XRN2: variants seen among roughly 807,000 people sequenced by gnomAD.
XRN2 encodes DHM1-like protein.
XRN2 carries 44 observed loss-of-function variants against 138.5 expected under a neutral mutation model. The ratio of observed to expected loss-of-function variants is 0.32; its 90% CI spans 0.25 to 0.41. XRN2 has a LOEUF of 0.41. XRN2 is among the 10% of genes least tolerant of loss of function. The pLI is 1.00. For missense variants in XRN2, 937 were observed against 1,169.3 expected (o/e 0.80, Z 2.90); for synonymous variants, 354 against 369.4 (o/e 0.96, Z 0.48).
chr20:21,359,055 C>A (rs2038607381), intron 24 of XRN2, among the ~76,000 whole-genome samples: 1 of 152,182 alleles, frequency 6.6e-6, no homozygotes, highest in Admixed American at 6.5e-5. Flanking sequence ...GCCTAACCCT[C>A]TAGAAATAGT....
intron 1 of XRN2, among the ~76,000 whole-genome samples, chr20:21,314,268 ATTATTTGC>A (rs1292630233): frequency 6.6e-6 from 1 of 152,192 alleles, no homozygotes; most frequent in African/African-American, 2.4e-5. Context: ...GCAGTACTTT[ATTATTTGC>A]TTATGGCCAA....
intron 29 of XRN2, among the ~76,000 whole-genome samples, chr20:21,388,718 G>A (rs116642624): frequency 2.3e-4 from 35 of 152,266 alleles, no homozygotes; most frequent in African/African-American, 8.4e-4. Flanking sequence ...AATGTTATTT[G>A]CAAACATACT....
chr20:21,304,549 AC>A (rs972461730), intron 1 of XRN2, among the ~76,000 whole-genome samples: 102 of 151,694 alleles, frequency 6.7e-4, no homozygotes, highest in African/African-American at 2.4e-3. Context: ...TTCTTGCTCT[AC>A]CCCTTCTCAT....
At chr20:21,325,453 G>A (rs1278753289) in intron 1 of XRN2, among the ~76,000 whole-genome samples, 2 of 152,200 alleles carry the variant, frequency 1.3e-5, no homozygotes, top group African/African-American at 4.8e-5. Context: ...AAATTATGAG[G>A]AAATTCAGAA....
At chr20:21,345,339 T>C (rs1330310388) in intron 16 of XRN2, among the ~76,000 whole-genome samples, 1 of 152,236 alleles carries the variant, frequency 6.6e-6, no homozygotes, top group Non-Finnish European at 1.5e-5. Flanking sequence ...TTGGGGCTTT[T>C]AGCATTTTTT....
chr20:21,313,949 AT>A, intron 1 of XRN2, among the ~76,000 whole-genome samples: 1 of 152,356 alleles, frequency 6.6e-6, no homozygotes, highest in African/African-American at 2.4e-5. Context: ...ATACAATAAA[AT>A]TCACCCATTT....
chr20:21,353,496 A>G (rs2038538182), intron 20 of XRN2, among the ~76,000 whole-genome samples: 1 of 151,756 alleles, frequency 6.6e-6, no homozygotes, highest in Non-Finnish European at 1.5e-5. Context: ...TTAACTTAAA[A>G]AGAAAAAAAA....
At chr20:21,345,461 G>A (rs567393001) in intron 16 of XRN2, among the ~76,000 whole-genome samples, 4 of 152,152 alleles carry the variant, frequency 2.6e-5, no homozygotes, top group Middle Eastern at 3.4e-3. Context: ...AAATTGATAT[G>A]GTATATTCTG....
At chr20:21,363,767 C>T (rs913791440) in intron 24 of XRN2, among the ~76,000 whole-genome samples, 1 of 151,952 alleles carries the variant, frequency 6.6e-6, no homozygotes, top group African/African-American at 2.4e-5. Context: ...TTTTAAAAAC[C>T]TTTTTAACTG....
chr20:21,332,471 T>TAAAA, intron 9 of XRN2, 31 bp downstream of exon 9: 1 of 1,268,788 alleles, frequency 7.9e-7, no homozygotes, highest in Non-Finnish European at 1.1e-6. Flanking sequence ...GTTGCCTCAT[T>TAAAA]AAAAAAAAAA....
At position 21,357,739 on chromosome 20, in the gene XRN2, A is replaced by G. The variant is rs772810023; in HGVS notation, c.2202A>G (p.Ile734Met). 3.1e-6 allele frequency: 5 copies of G among 1,593,804 alleles called. No individual in the cohort carries two copies. The highest frequency in any genetic ancestry group is 4.3e-6 in the Non-Finnish European group (5 of 1,170,954). The stretch of plus-strand genomic sequence containing the variant: ...TTCTTCTCTTGTTTCCTTCTAGAAT[A>G]GTATGTTCTCCTGTTCCTATGTTAA... ...LDEEAILPDQ[I>M]VCSPVPMLRD... The change falls in exon 24 of 30, where the codon ATA becomes ATG. Residue 734 changes from isoleucine (I) to methionine (M), a missense_variant. By Grantham distance (10) the Ile-to-Met change is conservative. Around this residue, in one of 6 missense-constraint regions of XRN2, gnomAD observed 372 missense variants for 414.4 expected, o/e 0.90. Coordinates refer to ENST00000377191, the MANE Select transcript of XRN2 (RefSeq NM_012255.5).
At chr20:21,357,098 ATAG>A (rs2038585040) in intron 23 of XRN2, among the ~76,000 whole-genome samples, 2 of 151,346 alleles carry the variant, frequency 1.3e-5, no homozygotes, top group Non-Finnish European at 2.9e-5. Flanking sequence ...TTGTAAAAAA[ATAG>A]CTTTTTATAA....
intron 24 of XRN2, among the ~76,000 whole-genome samples, chr20:21,364,243 A>G (rs146538607): frequency 7.9e-5 from 12 of 152,300 alleles, no homozygotes; most frequent in African/African-American, 2.9e-4. Flanking sequence ...AGGAAGGACT[A>G]GTTTTTTTAA....
At chr20:21,330,284 A>G (rs750691237) in intron 4 of XRN2, among the ~76,000 whole-genome samples, 197 bp from the exon 5 acceptor site, 60 of 151,978 alleles carry the variant, frequency 3.9e-4, no homozygotes, top group Middle Eastern at 6.8e-3. Context: ...ACTCTGTCTC[A>G]AATAATAATA....
chr20:21,315,593 C>T (rs928717182), intron 1 of XRN2, among the ~76,000 whole-genome samples: 7 of 152,150 alleles, frequency 4.6e-5, no homozygotes, highest in Non-Finnish European at 5.9e-5. Context: ...CCCAGGGTCA[C>T]GTTATCCTCC....
intron 16 of XRN2, among the ~76,000 whole-genome samples, 176 bp downstream of exon 16, chr20:21,344,384 G>A (rs146414221): frequency 9.2e-5 from 14 of 152,314 alleles, no homozygotes; most frequent in African/African-American, 3.4e-4. Context: ...AGATGTGTAA[G>A]CTGTAGCTGT....
In XRN2 at chr20:21,333,753, T is replaced by C. The variant is rs1468464955; in HGVS notation, c.983T>C (p.Val328Ala). Residue 328 changes from valine (V) to alanine (A), a missense_variant, in exon 11 of 30, where the codon GTT becomes GCT. This residue lies in a region of XRN2 where 471 missense variants were observed against 581.2 expected (regional missense o/e 0.81). Transcript: ENST00000377191. ...GCCAGCCTACCATTCACATTTGATG[T>C]TGAGAGGAGCATTGATGACTGGGTT... ...TMASLPFTFD[V>A]ERSIDDWVFM... 3 of 1,614,130 alleles carry C rather than the reference T, an allele frequency of 1.9e-6. No homozygotes were observed. The highest frequency in any genetic ancestry group is 2.5e-6 in the Non-Finnish European group (3 of 1,180,010).
At chr20:21,335,702 A>G (rs2038277567) in intron 13 of XRN2, among the ~76,000 whole-genome samples, 2 of 152,244 alleles carry the variant, frequency 1.3e-5, no homozygotes, top group Non-Finnish European at 2.9e-5. Context: ...CTGCTGCTAC[A>G]TACTTTGTAC....
chr20:21,372,128 T>C (rs1340552232), intron 27 of XRN2, among the ~76,000 whole-genome samples: 1 of 152,230 alleles, frequency 6.6e-6, no homozygotes, highest in African/African-American at 2.4e-5. Context: ...TAGGGATTGA[T>C]TTAGAGCAAG....
Sources: gnomAD v4.1 joint callset for allele counts (sites outside exome capture counted in the v4.1 genomes callset) on GRCh38, gnomAD v4.1.1 for gene constraint, gnomAD v4.1.1 regional missense constraint, MANE v1.5 for transcripts, NCBI Gene and HGNC (gene_info 2026-07-23, HGNC 2026-07-21) for gene names.